The following MYO5A variants were observed in gnomAD, a reference collection of about 807,000 sequenced individuals.
MYO5A encodes myosin VA.
A neutral mutation model predicts 249.7 loss-of-function variants in MYO5A; 98 were observed. The ratio of observed to expected loss-of-function variants is 0.39; its 90% CI spans 0.33 to 0.46. The LOEUF (loss-of-function observed/expected upper bound fraction) is 0.46, where lower values mean the gene tolerates loss of function less well. Ranked by LOEUF, MYO5A falls within the 20% of genes least tolerant of loss-of-function variation. The pLI, the probability that MYO5A is intolerant of heterozygous loss-of-function variation, is 0.98. For synonymous variants in MYO5A, 778 were observed against 810.6 expected (o/e 0.96, Z 0.68); for missense variants, 1,696 against 2,308.8 (o/e 0.73, Z 5.44).
rs971122561 is a variant in MYO5A, at chr15:52,308,003, A to C, written c.*5693T>G. The C allele has an allele frequency of 1.3e-5, 2 of 152,208 alleles. No homozygotes were observed. Among genetic ancestry groups the C allele is most frequent in the African/African-American group, 4.8e-5 (2 of 41,458 alleles). The allele number at this position is 152,208 out of a possible 1,614,324, so 9.4% of individuals were successfully genotyped here. ...TTACGGAGCCTGAAATGTGGGCTAAAATTTTATAACATGATAACAATAAGA... is the reference window on the plus strand; with the variant it reads ...TTACGGAGCCTGAAATGTGGGCTAACATTTTATAACATGATAACAATAAGA... On this transcript the variant is annotated 3_prime_UTR_variant, in exon 42 of 42. Transcript: ENST00000399233.
rs754463537 is a variant in MYO5A, at chr15:52,372,249, G to A, written c.2692C>T (p.Arg898Trp). The stretch of plus-strand genomic sequence containing the variant: ...TTTAGCTCACGCTTGGCCATCATCC[G>A]CCTGAAGCAGCACTGAAGGTAGATG... ...AIIYLQCCFR[R>W]MMAKRELKKL... The change falls in exon 21 of 42, where the codon CGG becomes TGG. Residue 898 changes from arginine (R) to tryptophan (W), a missense_variant. Physicochemically the swap from Arg to Trp is moderately radical, Grantham distance 101 (BLOSUM62 -3). Around this residue, in one of 5 missense-constraint regions of MYO5A, gnomAD observed 412 missense variants for 453.3 expected, o/e 0.91. Transcript: ENST00000399233. 2.5e-6 allele frequency: 4 copies of A among 1,612,618 alleles called. No homozygotes were observed. The highest frequency in any genetic ancestry group is 2.2e-5 in the East Asian group (1 of 44,872).
At chr15:52,440,558 G>A (rs1293852426) in intron 1 of MYO5A, among the ~76,000 whole-genome samples, 7 of 152,194 alleles carry the variant, frequency 4.6e-5, no homozygotes, top group Non-Finnish European at 7.3e-5. Context: ...ATGAGTCACC[G>A]CACCTGGCCC....
chr15:52,330,529 A>G, intron 34 of MYO5A, 30 bp from the exon 35 acceptor site: 1 of 1,613,332 alleles, frequency 6.2e-7, no homozygotes, highest in Non-Finnish European at 8.5e-7. Flanking sequence ...GGAGGAGAAA[A>G]TGTTTTCCAT....
intron 28 of MYO5A, 118 bp from the exon 29 acceptor site, chr15:52,348,944 C>T: frequency 2.7e-6 from 3 of 1,112,646 alleles, no homozygotes. Flanking sequence ...TTAAAAACAG[C>T]CATGAGTTGT....
chr15:52,404,281 A>C (rs1361749577), intron 9 of MYO5A, among the ~76,000 whole-genome samples: 1 of 151,944 alleles, frequency 6.6e-6, no homozygotes, highest in African/African-American at 2.4e-5. Flanking sequence ...AAAAAAAAAA[A>C]AAAAAAAAAG....
At chr15:52,431,780 G>A (rs2075544393) in intron 2 of MYO5A, among the ~76,000 whole-genome samples, 1 of 151,270 alleles carries the variant, frequency 6.6e-6, no homozygotes, top group South Asian at 2.1e-4. Context: ...GAGCTCAGGA[G>A]TTCGAGACTA....
At chr15:52,325,500 C>G (rs951159768) in intron 36 of MYO5A, among the ~76,000 whole-genome samples, 41 of 151,022 alleles carry the variant, frequency 2.7e-4, no homozygotes, top group Non-Finnish European at 5.6e-4. Flanking sequence ...CTCACAGGCT[C>G]GAGCGATCCT....
intron 24 of MYO5A, among the ~76,000 whole-genome samples, chr15:52,361,251 T>C (rs987527144): frequency 9.2e-5 from 14 of 152,310 alleles, no homozygotes; most frequent in African/African-American, 3.4e-4. Flanking sequence ...GCACTCTTGC[T>C]TAAAGTTTCC....
chr15:52,419,509 G>GA (rs2141263073), intron 4 of MYO5A, among the ~76,000 whole-genome samples: 1 of 152,148 alleles, frequency 6.6e-6, no homozygotes, highest in East Asian at 1.9e-4. Flanking sequence ...GTCTCAATAA[G>GA]AAAATGCTTA....
chr15:52,428,898 C>A (rs2075455518), intron 2 of MYO5A, among the ~76,000 whole-genome samples: 1 of 152,120 alleles, frequency 6.6e-6, no homozygotes. Context: ...AAAAAAGTGG[C>A]GGACAATATA....
In MYO5A at chr15:52,356,380, T is replaced by G. The variant is rs182672946; in HGVS notation, c.3424-2366A>C. On this transcript the variant is annotated intron_variant, in intron 25 of 41. Coordinates refer to ENST00000399233, the MANE Select transcript of MYO5A (RefSeq NM_001382347.1). ...CCTATCGCCACAGAAAAACTACAAT[T>G]TTTTCTTAGTCTTTTTCTCTATGCA... Among the ~76,000 whole-genome samples the G allele has an allele frequency of 3.9e-4, 60 of 152,222 alleles. 1 individual carries two copies. Among genetic ancestry groups the G allele is most frequent in the African/African-American group, 1.2e-3 (50 of 41,562 alleles).
intron 1 of MYO5A, among the ~76,000 whole-genome samples, chr15:52,493,268 A>G (rs898647918): frequency 2.0e-5 from 3 of 152,210 alleles, no homozygotes; most frequent in Non-Finnish European, 2.9e-5. Context: ...GAGATGTATA[A>G]TACTTTGAAT....
intron 34 of MYO5A, among the ~76,000 whole-genome samples, chr15:52,332,878 T>A (rs983996396): frequency 2.3e-4 from 35 of 152,100 alleles, no homozygotes; most frequent in African/African-American, 8.2e-4. Context: ...GGCAGGAGAA[T>A]CGCTTGAACC....
chr15:52,516,736 G>T (rs139914068), intron 1 of MYO5A, among the ~76,000 whole-genome samples: 1 of 152,102 alleles, frequency 6.6e-6, no homozygotes, highest in Non-Finnish European at 1.5e-5. Flanking sequence ...AAGGACTCTC[G>T]GGTTCTCAAC....
chr15:52,509,742 C>T (rs1463544182), intron 1 of MYO5A, among the ~76,000 whole-genome samples: 1 of 152,184 alleles, frequency 6.6e-6, no homozygotes, highest in Non-Finnish European at 1.5e-5. Flanking sequence ...AAAGAGAGAG[C>T]AGCCTCAAGA....
chr15:52,345,776 G>A (rs2039593262), intron 30 of MYO5A, among the ~76,000 whole-genome samples: 1 of 152,100 alleles, frequency 6.6e-6, no homozygotes, highest in Non-Finnish European at 1.5e-5. Flanking sequence ...AAGTATGTAT[G>A]TTTACCAATC....
intron 25 of MYO5A, among the ~76,000 whole-genome samples, chr15:52,359,672 CAT>C (rs2040420193): frequency 6.6e-6 from 1 of 152,072 alleles, no homozygotes. Flanking sequence ...TTCCTGTAAA[CAT>C]ATCATGTTAG....
At chr15:52,502,361 C>A (rs1294437618) in intron 1 of MYO5A, among the ~76,000 whole-genome samples, 2 of 152,106 alleles carry the variant, frequency 1.3e-5, no homozygotes, top group Non-Finnish European at 2.9e-5. Flanking sequence ...CTAATTAGAT[C>A]AGAAGTACTT....
At chr15:52,459,144 GA>G (rs757424083) in intron 1 of MYO5A, among the ~76,000 whole-genome samples, 140 of 24,894 alleles carry the variant, frequency 5.6e-3, no homozygotes, top group South Asian at 0.028. Flanking sequence ...GGATTTTCCA[GA>G]AATTTTTTTT....
Sources: gnomAD v4.1 joint callset for allele counts (sites outside exome capture counted in the v4.1 genomes callset) on GRCh38, gnomAD v4.1.1 for gene constraint, gnomAD v4.1.1 regional missense constraint, MANE v1.5 for transcripts, NCBI Gene and HGNC (gene_info 2026-07-23, HGNC 2026-07-21) for gene names.